FOXP2: variants seen among roughly 807,000 people sequenced by gnomAD.
The protein encoded by FOXP2 is forkhead box P2, also known as forkhead box protein P2.
FOXP2 carries 12 observed loss-of-function variants against 115.8 expected under a neutral mutation model. The observed-to-expected ratio is 0.10, with a 90% CI of 0.07 to 0.17. FOXP2 has a LOEUF of 0.17. Among genes scored for constraint, FOXP2 ranks in the 10% least tolerant of loss-of-function variants. FOXP2 has a pLI of 1.00. For missense variants in FOXP2, 629 were observed against 843.5 expected (o/e 0.75, Z 3.15); for synonymous variants, 328 against 297.7 (o/e 1.10, Z -1.05).
At chr7:114,432,112 T>C (rs1584727661) in intron 2 of FOXP2, among the ~76,000 whole-genome samples, 1 of 151,984 alleles carries the variant, frequency 6.6e-6, no homozygotes, top group Non-Finnish European at 1.5e-5. Flanking sequence ...CCACACAGTA[T>C]GCAACATTTA....
intron 1 of FOXP2, among the ~76,000 whole-genome samples, chr7:114,204,113 A>C (rs1794143112): frequency 6.6e-6 from 1 of 151,974 alleles, no homozygotes; most frequent in Non-Finnish European, 1.5e-5. Flanking sequence ...TTTCCTGTAG[A>C]TCAATATGTC....
At chr7:114,512,058 GTT>G (rs1186154272) in intron 2 of FOXP2, among the ~76,000 whole-genome samples, 1 of 151,934 alleles carries the variant, frequency 6.6e-6, no homozygotes, top group Non-Finnish European at 1.5e-5. Context: ...TAACTTAAGA[GTT>G]TGATTTTGTT....
intron 2 of FOXP2, among the ~76,000 whole-genome samples, chr7:114,440,665 T>G (rs1794558649): frequency 6.6e-6 from 1 of 152,212 alleles, no homozygotes; most frequent in African/African-American, 2.4e-5. Flanking sequence ...TTCATGTGAC[T>G]TAAGTAATCC....
intron 3 of FOXP2, among the ~76,000 whole-genome samples, chr7:114,596,400 G>A (rs780241462): frequency 6.6e-6 from 1 of 152,164 alleles, no homozygotes; most frequent in Admixed American, 6.6e-5. Flanking sequence ...CCATTTCACT[G>A]TTTAAAGGCA....
At chr7:114,104,546 T>C (rs1791065640) in intron 1 of FOXP2, among the ~76,000 whole-genome samples, 1 of 152,056 alleles carries the variant, frequency 6.6e-6, no homozygotes, top group Non-Finnish European at 1.5e-5. Flanking sequence ...ACTATTGATA[T>C]GTACATTTTG....
chr7:114,390,875 T>C (rs941319640), intron 2 of FOXP2, among the ~76,000 whole-genome samples: 4 of 152,214 alleles, frequency 2.6e-5, no homozygotes, highest in African/African-American at 4.8e-5. Flanking sequence ...AATTTTTAAA[T>C]TGGTTTTCAA....
intron 1 of FOXP2, among the ~76,000 whole-genome samples, chr7:114,170,690 G>A (rs1480141029): frequency 6.6e-6 from 1 of 152,188 alleles, no homozygotes; most frequent in African/African-American, 2.4e-5. Flanking sequence ...CTAAGCCAAA[G>A]CCTAATAAAG....
chr7:114,412,411 T>C (rs1465155858), upstream of FOXP2, among the ~76,000 whole-genome samples: 1 of 152,154 alleles, frequency 6.6e-6, no homozygotes, highest in Non-Finnish European at 1.5e-5. Context: ...AGTAGTGTGC[T>C]GATAGTAAAG....
chr7:114,175,216 A>G (rs1793257216), intron 1 of FOXP2, among the ~76,000 whole-genome samples: 1 of 152,158 alleles, frequency 6.6e-6, no homozygotes, highest in Non-Finnish European at 1.5e-5. Context: ...TGCTAAACAC[A>G]AAATGGGTGG....
At chr7:114,169,407 T>C (rs1793076361) in intron 1 of FOXP2, among the ~76,000 whole-genome samples, 1 of 152,222 alleles carries the variant, frequency 6.6e-6, no homozygotes, top group African/African-American at 2.4e-5. Context: ...GCTTTAAGAT[T>C]TGACTGCCCT....
chr7:114,647,330 C>G (rs1805967092), intron 8 of FOXP2, among the ~76,000 whole-genome samples: 1 of 151,280 alleles, frequency 6.6e-6, no homozygotes, highest in African/African-American at 2.4e-5. Context: ...CATTATAGGA[C>G]AGTTGCTTAT....
intron 16 of FOXP2, among the ~76,000 whole-genome samples, chr7:114,673,959 C>T (rs1807628478): frequency 6.6e-6 from 1 of 152,172 alleles, no homozygotes; most frequent in Non-Finnish European, 1.5e-5. Flanking sequence ...GCCTCGACCT[C>T]CCAAAGTGTT....
intron 3 of FOXP2, among the ~76,000 whole-genome samples, chr7:114,588,963 G>A (rs1011558522): frequency 6.6e-6 from 1 of 152,012 alleles, no homozygotes; most frequent in Non-Finnish European, 1.5e-5. Context: ...ATCAATTTTT[G>A]CTAATTCTAT....
chr7:114,261,852 A>G (rs1211027668), intron 1 of FOXP2, among the ~76,000 whole-genome samples: 2 of 152,048 alleles, frequency 1.3e-5, no homozygotes, highest in Non-Finnish European at 2.9e-5. Context: ...TGAGGTCAGG[A>G]GCTCGAGACT....
intron 1 of FOXP2, among the ~76,000 whole-genome samples, chr7:114,423,368 TA>T (rs907942488): frequency 2.6e-5 from 4 of 151,488 alleles, no homozygotes; most frequent in African/African-American, 9.7e-5. Flanking sequence ...GTGACTTGCT[TA>T]AAAAAGAAGA....
chr7:114,374,426 C>T (rs1301512809), intron 2 of FOXP2, among the ~76,000 whole-genome samples: 2 of 151,826 alleles, frequency 1.3e-5, no homozygotes, highest in Non-Finnish European at 2.9e-5. Flanking sequence ...TTTTATATTC[C>T]TTAAACAAAT....
chr7:114,473,319 C>A (rs758984672), intron 2 of FOXP2, among the ~76,000 whole-genome samples: 1 of 152,114 alleles, frequency 6.6e-6, no homozygotes, highest in Non-Finnish European at 1.5e-5. Flanking sequence ...AAAGACTCAT[C>A]CCCAAACCTT....
At chr7:114,334,706 A>G (rs1033754422) in intron 2 of FOXP2, among the ~76,000 whole-genome samples, 1 of 151,240 alleles carries the variant, frequency 6.6e-6, no homozygotes, top group Non-Finnish European at 1.5e-5. Context: ...GTTGGAGTTG[A>G]TATTTACATT....
intron 1 of FOXP2, among the ~76,000 whole-genome samples, chr7:114,266,245 C>G (rs1445075994): frequency 6.6e-6 from 1 of 152,154 alleles, no homozygotes; most frequent in African/African-American, 2.4e-5. Flanking sequence ...TTACCCAGTT[C>G]CAAAGTCACC....
Sources: allele counts gnomAD v4.1 joint callset (sites outside exome capture counted in the v4.1 genomes callset), GRCh38; gene constraint gnomAD v4.1.1; transcripts MANE v1.5; gene names NCBI Gene and HGNC (gene_info 2026-07-23, HGNC 2026-07-21).